Variants in KLHL14 observed in about 807,000 individuals in gnomAD.
The protein encoded by KLHL14 is kelch-like protein 14.
In KLHL14, 22 loss-of-function variants were observed where a neutral mutation model predicts 64.3. The ratio of observed to expected loss-of-function variants is 0.34; its 90% confidence interval spans 0.24 to 0.49. The LOEUF (loss-of-function observed/expected upper bound fraction) is 0.49, where lower values mean the gene tolerates loss of function less well. Among genes scored for constraint, KLHL14 ranks in the 20% least tolerant of loss-of-function variants. The pLI, the probability that KLHL14 is intolerant of heterozygous loss-of-function variation, is 0.99. For missense variants in KLHL14, 661 were observed against 789.0 expected (o/e 0.84, Z 1.94); for synonymous variants, 322 against 333.4 (o/e 0.97, Z 0.37).
At chr18:32,710,753 G>T (rs2144499812) in intron 3 of KLHL14, among the ~76,000 whole-genome samples, 1 of 152,206 alleles carries the variant, frequency 6.6e-6, no homozygotes, top group South Asian at 2.1e-4. Flanking sequence ...TTTGTGTTGG[G>T]CCACTGAAGG....
chr18:32,688,049 A>T (rs1005904196), intron 4 of KLHL14, among the ~76,000 whole-genome samples: 1 of 152,212 alleles, frequency 6.6e-6, no homozygotes, highest in Non-Finnish European at 1.5e-5. Context: ...AAGCATGGTA[A>T]TGCCTCCAAG....
intron 4 of KLHL14, among the ~76,000 whole-genome samples, chr18:32,689,367 TA>T (rs1404313079): frequency 1.3e-5 from 2 of 151,796 alleles, no homozygotes; most frequent in African/African-American, 2.4e-5. Context: ...TGCTCAGAGA[TA>T]GGGGGGAAAG....
chr18:32,754,925 T>A (rs1383663966), intron 2 of KLHL14, among the ~76,000 whole-genome samples: 1 of 152,078 alleles, frequency 6.6e-6, no homozygotes, highest in Non-Finnish European at 1.5e-5. Flanking sequence ...GGGGCAAAGA[T>A]AAAAGAAGAA....
At chr18:32,742,585 A>G (rs2050204503) in intron 2 of KLHL14, among the ~76,000 whole-genome samples, 1 of 152,168 alleles carries the variant, frequency 6.6e-6, no homozygotes, top group African/African-American at 2.4e-5. Context: ...CAGTTTGAAC[A>G]TGAATTTTTT....
chr18:32,736,013 T>TACCTC (rs1224328183), intron 3 of KLHL14, among the ~76,000 whole-genome samples: 3 of 152,208 alleles, frequency 2.0e-5, no homozygotes, highest in African/African-American at 7.2e-5. Context: ...GCATGACTCA[T>TACCTC]ACCTCCTTCA....
chr18:32,721,716 GA>G (rs1214521459), intron 3 of KLHL14, among the ~76,000 whole-genome samples: 1 of 152,130 alleles, frequency 6.6e-6, no homozygotes, highest in Non-Finnish European at 1.5e-5. Context: ...TTCATGTGGT[GA>G]AAAAGGTTAT....
At chr18:32,750,817 T>C (rs2050247490) in intron 2 of KLHL14, among the ~76,000 whole-genome samples, 1 of 152,196 alleles carries the variant, frequency 6.6e-6, no homozygotes, top group Admixed American at 6.5e-5. Flanking sequence ...TGTAAAGTGG[T>C]AGCCCTGCTT....
chr18:32,749,915 C>T (rs1598575564), intron 2 of KLHL14, among the ~76,000 whole-genome samples: 1 of 152,000 alleles, frequency 6.6e-6, no homozygotes, highest in African/African-American at 2.4e-5. Context: ...GTGGCTTGAA[C>T]AACAGAAAAT....
intron 4 of KLHL14, 122 bp downstream of exon 4, chr18:32,695,341 T>G (rs1007308879): frequency 5.0e-5 from 34 of 685,334 alleles, no homozygotes; most frequent in Non-Finnish European, 8.4e-5. Flanking sequence ...TCCTTACTAC[T>G]TCATTTGTCC....
At chr18:32,715,921 A>G (rs1231535727) in intron 3 of KLHL14, among the ~76,000 whole-genome samples, 1 of 152,192 alleles carries the variant, frequency 6.6e-6, no homozygotes, top group East Asian at 1.9e-4. Flanking sequence ...TATTTCTACT[A>G]CACAGTAATG....
At chr18:32,716,421 T>A (rs930111536) in intron 3 of KLHL14, among the ~76,000 whole-genome samples, 26 of 74,654 alleles carry the variant, frequency 3.5e-4, no homozygotes, top group African/African-American at 1.4e-3. Context: ...CTTGCTTGAC[T>A]TTTTTTTTTT....
intron 7 of KLHL14, among the ~76,000 whole-genome samples, chr18:32,678,642 A>C (rs887278830): frequency 6.6e-6 from 1 of 152,182 alleles, no homozygotes; most frequent in South Asian, 2.1e-4. Flanking sequence ...AATGTTATAC[A>C]TGGGAACTGT....
At chr18:32,707,426 C>T (rs1225620071) in intron 3 of KLHL14, among the ~76,000 whole-genome samples, 1 of 152,344 alleles carries the variant, frequency 6.6e-6, no homozygotes, top group East Asian at 1.9e-4. Flanking sequence ...GCTGCTTCCT[C>T]AGAAAGGGCC....
intron 3 of KLHL14, among the ~76,000 whole-genome samples, chr18:32,718,347 C>T (rs868765877): frequency 1.7e-4 from 26 of 152,172 alleles, no homozygotes; most frequent in African/African-American, 5.3e-4. Flanking sequence ...GCCCTGTTTA[C>T]ATTATTCTCT....
rs769433932 is a variant in KLHL14, at chr18:32,769,828, T to C, written c.764A>G (p.Gln255Arg). 1.7e-5 allele frequency: 27 copies of C among 1,613,576 alleles called. No individual in the cohort carries two copies. Among genetic ancestry groups the C allele is most frequent in the Admixed American group, 6.7e-5 (4 of 60,000 alleles). ...GCGCTTCATGAGGTCAGGCGCATAC[T>C]GCATGCGGGTCTCGCGGTCGTGCTC... ...WLEHDRETRM[Q>R]YAPDLMKRLR... Residue 255 changes from glutamine to arginine, a missense_variant, in exon 2 of 9, where the codon CAG becomes CGG. Physicochemically the swap from Gln to Arg is conservative, Grantham distance 43. This residue lies in a region of KLHL14 where 331 missense variants were observed against 339.0 expected (regional missense o/e 0.98). Coordinates refer to ENST00000359358, the MANE Select transcript of KLHL14 (RefSeq NM_020805.3).
chr18:32,721,033 T>C (rs970012732), intron 3 of KLHL14, among the ~76,000 whole-genome samples: 3 of 152,212 alleles, frequency 2.0e-5, no homozygotes, highest in Admixed American at 6.5e-5. Context: ...AATAATGAGA[T>C]GGCAAAGTGG....
chr18:32,715,882 C>G (rs1288070930), intron 3 of KLHL14, among the ~76,000 whole-genome samples: 1 of 152,034 alleles, frequency 6.6e-6, no homozygotes, highest in East Asian at 1.9e-4. Context: ...CCATCAGGGC[C>G]CTTGAGCTGA....
At position 32,680,304 on chromosome 18, in the gene KLHL14, C is replaced by T. The variant is rs759196158; in HGVS notation, c.1453G>A (p.Val485Ile). 1 of 1,613,874 alleles carries T rather than the reference C, an allele frequency of 6.2e-7. No homozygotes were observed. Among genetic ancestry groups the T allele is most frequent in the South Asian group, 1.1e-5 (1 of 91,084 alleles). The change falls in exon 7 of 9, where the codon GTC becomes ATC. Residue 485 changes from valine (V) to isoleucine (I), a missense_variant. Coordinates refer to ENST00000359358, the MANE Select transcript of KLHL14 (RefSeq NM_020805.3). The surrounding 1 kb of genome is among the most constrained non-coding windows in gnomAD (Gnocchi z 4.8). ...ISGGVHNGEY[V>I]PWLYCYDPVM... ...GGGTCATAGCAATATAGCCATGGGACATATTCTCCATTGTGTACACCCCCT... is the reference window on the plus strand; with the variant it reads ...GGGTCATAGCAATATAGCCATGGGATATATTCTCCATTGTGTACACCCCCT...
chr18:32,772,122 C>A, intron 1 of KLHL14: 1 of 217,742 alleles, frequency 4.6e-6, no homozygotes. Flanking sequence ...GCCGGCCCGC[C>A]CGCCCGGGGG....
Sources: allele counts gnomAD v4.1 joint callset (sites outside exome capture counted in the v4.1 genomes callset), GRCh38; gene constraint gnomAD v4.1.1; regional missense constraint gnomAD v4.1.1; non-coding constraint Gnocchi (gnomAD v3.1); transcripts MANE v1.5; gene names NCBI Gene and HGNC (gene_info 2026-07-23, HGNC 2026-07-21).